TCEA2: variants seen among roughly 807,000 people sequenced by gnomAD.
The protein encoded by TCEA2 is transcription elongation factor A2, also known as transcription elongation factor A protein 2.
Under a neutral mutation model 40.8 loss-of-function variants are expected in TCEA2, and 21 were observed. That is an observed-to-expected ratio of 0.51 (90% CI 0.36 to 0.74). The LOEUF is 0.74. Among genes scored for constraint, TCEA2 ranks in the 30% least tolerant of loss-of-function variants. TCEA2 has a pLI of 0.00. For missense variants in TCEA2, 326 were observed against 426.5 expected (o/e 0.76, Z 2.08); for synonymous variants, 165 against 162.7 (o/e 1.01, Z -0.11).
intron 3 of TCEA2, 134 bp downstream of exon 3, chr20:64,067,154 A>T: frequency 1.1e-6 from 1 of 873,958 alleles, no homozygotes; most frequent in Non-Finnish European, 1.8e-6. Context: ...GCAGTGGCAA[A>T]CCCAGACCAT....
In TCEA2 at chr20:64,070,422, CCT is replaced by C. The variant is rs776221440; in HGVS notation, c.672+9_672+10del. The C allele has an allele frequency of 1.9e-6, 3 of 1,614,088 alleles. No homozygotes were observed. Among genetic ancestry groups the C allele is most frequent in the East Asian group, 2.2e-5 (1 of 44,884 alleles). On this transcript the variant is annotated intron_variant, in intron 7 of 9. Coordinates refer to ENST00000343484, the MANE Select transcript of TCEA2 (RefSeq NM_003195.6). ...GCTGTGATGACCTCAGAGGTGAGCC[CCT>C]GTTGGAGGGGCTGGAGGGCTGCTCC... is the stretch of plus-strand genomic sequence containing the variant.
At chr20:64,060,251 C>A (rs373474730), upstream of TCEA2, among the ~76,000 whole-genome samples, 20 of 152,310 alleles carry the variant, frequency 1.3e-4, no homozygotes, top group East Asian at 3.5e-3. Context: ...AGGTCTCCCC[C>A]CCACCCCCAG....
At chr20:64,059,625 AC>A (rs2059524945), upstream of TCEA2, among the ~76,000 whole-genome samples, 2 of 151,948 alleles carry the variant, frequency 1.3e-5, no homozygotes, top group South Asian at 4.2e-4. Flanking sequence ...ATCACAGAGG[AC>A]AGAGACCCCA....
upstream of TCEA2, chr20:64,056,841 C>G (rs535723376): frequency 6.6e-6 from 1 of 152,330 alleles, no homozygotes; most frequent in Non-Finnish European, 1.5e-5. Flanking sequence ...TCCCCAGACG[C>G]CTGTTGGGGC....
Position 64,069,759 on chromosome 20 carries a change from T to C in TCEA2, c.461-6T>C. 6.2e-7 allele frequency: 1 copy of C among 1,610,640 alleles called. No individual in the cohort carries two copies. On this transcript the variant is annotated splice_region_variant and splice_polypyrimidine_tract_variant and intron_variant, in intron 5 of 9. Transcript: ENST00000343484. ...GGGGGAAGCTAGTCAGGGCTCCCTC[T>C]TGCAGATGACCACGTGGCCATCGGT...
At position 64,072,152 on chromosome 20, in the gene TCEA2, C is replaced by T. The variant is rs936606903; in HGVS notation, c.892-20C>T. The T allele has an allele frequency of 1.2e-6, 2 of 1,613,432 alleles. No homozygotes were observed. Among genetic ancestry groups the T allele is most frequent in the Non-Finnish European group, 1.7e-6 (2 of 1,179,690 alleles). On this transcript the variant is annotated intron_variant, in intron 9 of 9. Coordinates refer to ENST00000343484, the MANE Select transcript of TCEA2 (RefSeq NM_003195.6). The stretch of plus-strand genomic sequence containing the variant: ...TCTCATGTGGCCACAAGGCTGGAGG[C>T]CTCACCCCCTTTCTCGCAGTTCTGC...
At chr20:64,069,855 T>G (rs1423249113) in intron 6 of TCEA2, 34 bp downstream of exon 6, 3 of 1,608,762 alleles carry the variant, frequency 1.9e-6, no homozygotes, top group Non-Finnish European at 2.5e-6. Flanking sequence ...GGCCTGGGTT[T>G]CTGGTGGAGT....
chr20:64,067,091 A>ACTCTACACTGTGCTGAC, intron 3 of TCEA2, 71 bp downstream of exon 3: 1 of 1,476,056 alleles, frequency 6.8e-7, no homozygotes, highest in Non-Finnish European at 9.3e-7. Context: ...GCTGGTCAGC[A>ACTCTACACTGTGCTGAC]CAGTGTAGAG....
chr20:64,064,576 G>A (rs1284715043), intron 1 of TCEA2, among the ~76,000 whole-genome samples: 1 of 152,216 alleles, frequency 6.6e-6, no homozygotes, highest in Non-Finnish European at 1.5e-5. Flanking sequence ...CCAGCCCAGG[G>A]CGGTGAAGGT....
Position 64,063,623 on chromosome 20 carries a change from C to A in TCEA2, c.72+239C>A, listed in dbSNP as rs1007520950. ...GGCCGCGATCAGGCCTGGACCTTGTCCCGGGAGAGCCACCCGCTCTGGACT... is the reference window on the plus strand; with the variant it reads ...GGCCGCGATCAGGCCTGGACCTTGTACCGGGAGAGCCACCCGCTCTGGACT... On this transcript the variant is annotated intron_variant, in intron 1 of 9. Transcript: ENST00000343484. 1.2e-4 allele frequency: 64 copies of A among 547,242 alleles called. No homozygotes were observed. In the East Asian group the frequency reaches 2.2e-3, roughly 18 times the overall value. 33.9% of individuals were successfully genotyped at this position (547,242 alleles called of 1,614,324 possible).
chr20:64,067,913 G>T, intron 3 of TCEA2, 134 bp from the exon 4 acceptor site: 1 of 643,412 alleles, frequency 1.6e-6, no homozygotes, highest in South Asian at 2.3e-5. Context: ...TCCCCTGGCT[G>T]GGTGAGGGGC....
intron 8 of TCEA2, 84 bp from the exon 9 acceptor site, chr20:64,071,786 G>A (rs937809678): frequency 1.3e-5 from 19 of 1,514,066 alleles, no homozygotes; most frequent in African/African-American, 8.3e-5. Context: ...CAGTGGCTGC[G>A]AGGCCCGCAC....
upstream of TCEA2, among the ~76,000 whole-genome samples, chr20:64,060,018 A>G (rs1356724503): frequency 1.3e-5 from 2 of 152,104 alleles, no homozygotes; most frequent in East Asian, 1.9e-4. Flanking sequence ...CAACACTTCA[A>G]CTGGGACTGC....
chr20:64,056,282 C>T (rs1009828138), upstream of TCEA2, among the ~76,000 whole-genome samples: 2 of 152,162 alleles, frequency 1.3e-5, no homozygotes, highest in African/African-American at 4.8e-5. Context: ...AGTGGCATAG[C>T]CAGGAGCAGT....
chr20:64,058,682 T>TA (rs2059506372), upstream of TCEA2, among the ~76,000 whole-genome samples: 2 of 152,192 alleles, frequency 1.3e-5, no homozygotes, highest in Admixed American at 1.3e-4. This position sits in a 1 kb window ranked among gnomAD's most constrained non-coding sequence, Gnocchi z 6.7. Flanking sequence ...AATATTTTCT[T>TA]AAAGTGTGAT....
chr20:64,067,596 G>A (rs2059726189), intron 3 of TCEA2, among the ~76,000 whole-genome samples: 1 of 152,136 alleles, frequency 6.6e-6, no homozygotes, highest in Non-Finnish European at 1.5e-5. Flanking sequence ...CCACACCCTT[G>A]TGAAACAGTC....
intron 8 of TCEA2, among the ~76,000 whole-genome samples, chr20:64,071,614 C>T (rs896401458): frequency 3.9e-5 from 6 of 152,232 alleles, no homozygotes; most frequent in African/African-American, 1.4e-4. Flanking sequence ...ACCCTCTTGC[C>T]CTCAGCCAAG....
rs1360635320 is a variant in TCEA2, at chr20:64,070,478, C to G, written c.673-11C>G. On this transcript the variant is annotated splice_polypyrimidine_tract_variant and intron_variant, in intron 7 of 9. Coordinates refer to ENST00000343484, the MANE Select transcript of TCEA2 (RefSeq NM_003195.6). ...GGAGCGGTGGGCTAAGCCACTGGCC[C>G]CGTGCTCCAGGAGATGGCCAGTGAT... 6.2e-7 allele frequency: 1 copy of G among 1,613,650 alleles called. No individual in the cohort carries two copies. Among genetic ancestry groups the G allele is most frequent in the Non-Finnish European group, 8.5e-7 (1 of 1,179,852 alleles).
At chr20:64,070,076 T>A in intron 6 of TCEA2, 184 bp from the exon 7 acceptor site, 1 of 970,094 alleles carries the variant, frequency 1.0e-6, no homozygotes, top group Non-Finnish European at 1.6e-6. Flanking sequence ...CAGTCAGGAA[T>A]GGGCCTGGGG....
Sources: allele counts gnomAD v4.1 joint callset (sites outside exome capture counted in the v4.1 genomes callset), GRCh38; gene constraint gnomAD v4.1.1; non-coding constraint Gnocchi (gnomAD v3.1); transcripts MANE v1.5; gene names NCBI Gene and HGNC (gene_info 2026-07-23, HGNC 2026-07-21).